GRIK3: variants seen among roughly 807,000 people sequenced by gnomAD.
GRIK3 encodes glutamate ionotropic receptor kainate type subunit 3.
A neutral mutation model predicts 102.5 loss-of-function variants in GRIK3; 29 were observed. The ratio of observed to expected loss-of-function variants is 0.28; its 90% CI spans 0.21 to 0.39. The LOEUF (loss-of-function observed/expected upper bound fraction) is 0.39, where lower values mean the gene tolerates loss of function less well. GRIK3 is among the 10% of genes least tolerant of loss of function. GRIK3 has a pLI of 1.00. For missense variants in GRIK3, 908 were observed against 1,252.4 expected, an observed-to-expected ratio of 0.73 and a Z score of 4.15; for synonymous variants, 511 against 504.9, an observed-to-expected ratio of 1.01 and a Z score of -0.16.
intron 1 of GRIK3, among the ~76,000 whole-genome samples, chr1:36,968,052 G>C (rs1359987158): frequency 1.3e-5 from 2 of 152,122 alleles, no homozygotes; most frequent in African/African-American, 2.4e-5. Flanking sequence ...GCAGAGCACT[G>C]GGGTTCTGTG....
intron 1 of GRIK3, among the ~76,000 whole-genome samples, chr1:37,010,755 G>C (rs1240932957): frequency 8.6e-6 from 1 of 116,948 alleles, no homozygotes; most frequent in Admixed American, 1.0e-4. Context: ...TTTTTTTTGA[G>C]ATGGAGTCTC....
intron 1 of GRIK3, among the ~76,000 whole-genome samples, chr1:36,918,523 C>T (rs1641431972): frequency 6.6e-6 from 1 of 151,050 alleles, no homozygotes. Context: ...TGAACATCAT[C>T]TGGTTTAATC....
chr1:36,923,560 A>G (rs1217570219), intron 1 of GRIK3, among the ~76,000 whole-genome samples: 2 of 152,210 alleles, frequency 1.3e-5, no homozygotes, highest in Non-Finnish European at 2.9e-5. Context: ...GGATCATGGA[A>G]TGCTGGCCCT....
At chr1:36,957,914 CCG>C (rs1641942335) in intron 1 of GRIK3, among the ~76,000 whole-genome samples, 1 of 86,004 alleles carries the variant, frequency 1.2e-5, no homozygotes, top group Admixed American at 1.3e-4. Flanking sequence ...AGTCTGTGCC[CCG>C]TGAGCCTGTG....
In GRIK3 at chr1:36,798,857, C is replaced by G. The variant is rs1642400323; in HGVS notation, c.*2994G>C. The G allele has an allele frequency of 6.6e-6, 1 of 152,240 alleles. No homozygotes were observed. The highest frequency in any genetic ancestry group is 6.5e-5 in the Admixed American group (1 of 15,292). The allele number at this position is 152,240 out of a possible 1,614,324, so 9.4% of individuals were successfully genotyped here. On this transcript the variant is annotated 3_prime_UTR_variant, in exon 16 of 16. Coordinates refer to ENST00000373091, the MANE Select transcript of GRIK3 (RefSeq NM_000831.4). ...CCAGTCGGTACATTTTGGGGGGTTTCTCGAATTGAATTCTGCCTCTATTTA... is the reference window on the plus strand; with the variant it reads ...CCAGTCGGTACATTTTGGGGGGTTTGTCGAATTGAATTCTGCCTCTATTTA...
At chr1:36,833,140 G>C (rs894001533) in intron 10 of GRIK3, among the ~76,000 whole-genome samples, 8 of 152,128 alleles carry the variant, frequency 5.3e-5, no homozygotes, top group Non-Finnish European at 1.2e-4. Context: ...TTTGCTGGAA[G>C]AATGAGCATC....
chr1:36,919,166 C>T (rs1641439913), intron 1 of GRIK3, among the ~76,000 whole-genome samples: 1 of 152,022 alleles, frequency 6.6e-6, no homozygotes. Context: ...CCAGTCCTTG[C>T]CTTGGTTTGT....
Position 37,000,633 on chromosome 1 carries a change from A to G in GRIK3, c.115+33361T>C, listed in dbSNP as rs77199533. On this transcript the variant is annotated intron_variant, in intron 1 of 15. Coordinates refer to ENST00000373091, the MANE Select transcript of GRIK3 (RefSeq NM_000831.4). Reference sequence around the variant, plus strand: ...TTTACAAGGCAATAAACTCTATTTTACAGAAAAGGAAACTGAGGTCCAGGG... The same window carrying G: ...TTTACAAGGCAATAAACTCTATTTTGCAGAAAAGGAAACTGAGGTCCAGGG... Among the ~76,000 whole-genome samples the G allele has an allele frequency of 8.4e-3, 1,287 of 152,358 alleles. 10 individuals carry two copies. The highest frequency in any genetic ancestry group is 0.017 in the Admixed American group (266 of 15,310).
At chr1:36,838,061 T>C (rs1640402486) in intron 10 of GRIK3, among the ~76,000 whole-genome samples, 1 of 152,220 alleles carries the variant, frequency 6.6e-6, no homozygotes, top group South Asian at 2.1e-4. Context: ...GGACATACTT[T>C]AGACAGGGAG....
intron 2 of GRIK3, among the ~76,000 whole-genome samples, chr1:36,884,135 C>T (rs530050787): frequency 2.3e-4 from 35 of 152,220 alleles, no homozygotes; most frequent in African/African-American, 6.0e-4. Flanking sequence ...GCACATACAA[C>T]GGGGGCATGG....
intron 1 of GRIK3, among the ~76,000 whole-genome samples, chr1:36,930,241 T>C (rs1479929379): frequency 2.6e-5 from 4 of 152,324 alleles, no homozygotes; most frequent in Admixed American, 1.3e-4. Flanking sequence ...GAGATTGGCC[T>C]TCTGGTTTCA....
At chr1:36,804,165 G>T (rs1000138011) in intron 15 of GRIK3, among the ~76,000 whole-genome samples, 1 of 152,082 alleles carries the variant, frequency 6.6e-6, no homozygotes, top group Non-Finnish European at 1.5e-5. Flanking sequence ...ATTCCATTTC[G>T]TTTTTTACGG....
At chr1:36,912,139 G>A (rs936708294) in intron 1 of GRIK3, among the ~76,000 whole-genome samples, 3 of 152,040 alleles carry the variant, frequency 2.0e-5, no homozygotes, top group Admixed American at 6.6e-5. Flanking sequence ...CTTTCTCTGG[G>A]TTTCGTCCTG....
chr1:36,944,191 A>T (rs1375161256), intron 1 of GRIK3, among the ~76,000 whole-genome samples: 1 of 152,240 alleles, frequency 6.6e-6, no homozygotes, highest in Non-Finnish European at 1.5e-5. Flanking sequence ...AGGGGAAATG[A>T]AAAAGGGGTG....
chr1:36,814,689 CACACACAAAGGCGAGTAT>C (rs1276538262), intron 13 of GRIK3, among the ~76,000 whole-genome samples: 1 of 151,842 alleles, frequency 6.6e-6, no homozygotes, highest in Non-Finnish European at 1.5e-5. Context: ...CACAGGCATA[CACACACAAAGGCGAGTAT>C]ACACACACAT....
intron 1 of GRIK3, among the ~76,000 whole-genome samples, chr1:36,986,479 C>T (rs940705587): frequency 6.7e-6 from 1 of 150,108 alleles, no homozygotes; most frequent in African/African-American, 2.5e-5. Flanking sequence ...TCCATCCATC[C>T]ATCCATCCAT....
Position 36,916,833 on chromosome 1 carries a change from G to A in GRIK3, c.116-25737C>T, listed in dbSNP as rs553554941. On this transcript the variant is annotated intron_variant, in intron 1 of 15. Transcript: ENST00000373091. ...CATGGAGAACCTCTGCTAGGGTAGC[G>A]CAGAAGGGAAATGTGGGGTTGGAGC... 1.1e-4 allele frequency among the ~76,000 whole-genome samples: 17 copies of A among 152,310 alleles called. No individual in the cohort carries two copies. In the South Asian group the frequency reaches 1.4e-3, roughly 13 times the overall value.
chr1:36,880,587 G>T lies in GRIK3; in HGVS notation c.550+47C>A. On this transcript the variant is annotated intron_variant, in intron 3 of 15. Transcript: ENST00000373091. The surrounding 1 kb of genome is among the most constrained non-coding windows in gnomAD (Gnocchi z 5.4). ...GACAAGAGCTTGATCCTGGGCCTCT[G>T]CCCCCCTCAACCGTTGCCCCCAGCC... The T allele has an allele frequency of 2.5e-6, 4 of 1,584,576 alleles. No individual in the cohort carries two copies. Among genetic ancestry groups the T allele is most frequent in the Non-Finnish European group, 3.5e-6 (4 of 1,155,364 alleles).
At chr1:36,883,244 C>T (rs1221914381) in intron 2 of GRIK3, among the ~76,000 whole-genome samples, 2 of 152,234 alleles carry the variant, frequency 1.3e-5, no homozygotes, top group Non-Finnish European at 2.9e-5. Context: ...GTCCTTTTCT[C>T]TTACCTTGAC....
Sources: allele counts gnomAD v4.1 joint callset (sites outside exome capture counted in the v4.1 genomes callset), GRCh38; gene constraint gnomAD v4.1.1; non-coding constraint Gnocchi (gnomAD v3.1); transcripts MANE v1.5; gene names NCBI Gene and HGNC (gene_info 2026-07-23, HGNC 2026-07-21).